TNRC6C: variants seen among roughly 807,000 people sequenced by gnomAD.
TNRC6C encodes trinucleotide repeat-containing gene 6C protein.
A neutral mutation model predicts 153.7 loss-of-function variants in TNRC6C; 20 were observed. The observed-to-expected ratio is 0.13, with a 90% CI of 0.09 to 0.19. The LOEUF is 0.19. TNRC6C is among the 10% of genes least tolerant of loss of function. The probability of loss-of-function intolerance (pLI) is 1.00; values close to 1 mark genes in which losing one functional copy is unlikely to be tolerated. For missense variants in TNRC6C, 1,987 were observed against 2,172.0 expected (o/e 0.91, Z 1.69); for synonymous variants, 811 against 841.4 (o/e 0.96, Z 0.63).
At chr17:78,050,738 G>A in exon 3 of TNRC6C, 1 of 1,590,766 alleles carries the variant, frequency 6.3e-7, no homozygotes, top group East Asian at 2.2e-5. Context: ...CATGCTTGGA[G>A]TGGGGCCGCA....
At chr17:78,065,386 A>G (rs1398556731) in intron 4 of TNRC6C, among the ~76,000 whole-genome samples, 1 of 152,080 alleles carries the variant, frequency 6.6e-6, no homozygotes, top group African/African-American at 2.4e-5. Flanking sequence ...ATTATAAAAT[A>G]TTTGCCATGC....
intron 5 of TNRC6C, among the ~76,000 whole-genome samples, chr17:78,069,297 C>A (rs1016680844): frequency 1.3e-5 from 2 of 152,170 alleles, no homozygotes; most frequent in Non-Finnish European, 2.9e-5. Flanking sequence ...ACCAGTGGCT[C>A]CTAGACACGG....
At chr17:78,050,063 G>A in exon 3 of TNRC6C, 2 of 1,610,890 alleles carry the variant, frequency 1.2e-6, no homozygotes, top group South Asian at 2.2e-5. Flanking sequence ...CCCAGCCGAA[G>A]CACCTCTAAC....
At chr17:77,985,602 A>AAAAAAAAAAAAAAAAAC (rs2071153857) in intron 1 of TNRC6C, among the ~76,000 whole-genome samples, 3 of 133,366 alleles carry the variant, frequency 2.2e-5, no homozygotes, top group African/African-American at 9.3e-5. Context: ...ACTCCGTCTC[A>AAAAAAAAAAAAAAAAAC]AAAAAAAAAA....
At chr17:77,966,540 G>A (rs938985538) in intron 1 of TNRC6C, among the ~76,000 whole-genome samples, 1 of 152,178 alleles carries the variant, frequency 6.6e-6, no homozygotes, top group African/African-American at 2.4e-5. Flanking sequence ...CTGCCACAGA[G>A]GCTTTAAATT....
At chr17:78,101,252 C>G (rs2073588921) in intron 17 of TNRC6C, among the ~76,000 whole-genome samples, 1 of 152,198 alleles carries the variant, frequency 6.6e-6, no homozygotes, top group African/African-American at 2.4e-5. Flanking sequence ...TGCCGCCAGT[C>G]TCTTTGCTAA....
In TNRC6C at chr17:77,976,039, T is replaced by C. The variant is rs551616511; in HGVS notation, c.-38+16771T>C. ...TTTAATTTTTATTTTCTCTGAGCCT[T>C]TGTTTGCTCAGCTAGAAGAAATGAA... On this transcript the variant is annotated intron_variant, in intron 1 of 22. Transcript: ENST00000636222. Among the ~76,000 whole-genome samples the C allele has an allele frequency of 2.6e-5, 4 of 151,964 alleles. No individual in the cohort carries two copies. In the South Asian group the frequency reaches 8.3e-4, roughly 32 times the overall value.
intron 1 of TNRC6C, among the ~76,000 whole-genome samples, chr17:77,993,189 T>TGAG (rs1278942243): frequency 6.6e-6 from 1 of 152,192 alleles, no homozygotes; most frequent in Non-Finnish European, 1.5e-5. Context: ...CTCGAATTCC[T>TGAG]GACCTCAGGT....
intron 7 of TNRC6C, among the ~76,000 whole-genome samples, chr17:78,073,697 C>T (rs577076210): frequency 1.3e-5 from 2 of 152,252 alleles, no homozygotes; most frequent in East Asian, 1.9e-4. Flanking sequence ...TTCCTATGAG[C>T]CTCTGCTCAC....
intron 1 of TNRC6C, among the ~76,000 whole-genome samples, chr17:77,970,567 T>G (rs928026970): frequency 2.6e-5 from 4 of 152,212 alleles, no homozygotes; most frequent in African/African-American, 9.7e-5. Context: ...CATATGGGTA[T>G]AGACCAAGCT....
chr17:77,960,760 A>G (rs1425202050), intron 1 of TNRC6C, among the ~76,000 whole-genome samples: 2 of 152,130 alleles, frequency 1.3e-5, no homozygotes, highest in African/African-American at 4.8e-5. Context: ...TCACTGTAGC[A>G]CCCCTAGGAT....
At chr17:78,035,483 G>C (rs947820548) in intron 2 of TNRC6C, among the ~76,000 whole-genome samples, 1 of 152,222 alleles carries the variant, frequency 6.6e-6, no homozygotes, top group African/African-American at 2.4e-5. Flanking sequence ...AGACTGGTGA[G>C]ACTTTGAAAT....
chr17:77,974,498 A>G (rs542443307), intron 1 of TNRC6C, among the ~76,000 whole-genome samples: 2,099 of 152,168 alleles, frequency 0.014, 25 homozygotes, highest in Non-Finnish European at 0.02. Context: ...CCCCAAAAAA[A>G]AAGTAAGAGG....
At chr17:78,001,590 A>T (rs1190589633), upstream of TNRC6C, among the ~76,000 whole-genome samples, 4 of 152,218 alleles carry the variant, frequency 2.6e-5, no homozygotes, top group Admixed American at 1.3e-4. Flanking sequence ...GAGAAGGGAG[A>T]TCCTCCTTCC....
At chr17:78,089,828 A>G (rs1341633991) in intron 13 of TNRC6C, among the ~76,000 whole-genome samples, 2 of 152,192 alleles carry the variant, frequency 1.3e-5, no homozygotes, top group African/African-American at 4.8e-5. Flanking sequence ...GCCTTTCCAA[A>G]TAAAGGGGAA....
At chr17:78,014,481 G>T (rs1484865360) in intron 1 of TNRC6C, among the ~76,000 whole-genome samples, 3 of 151,918 alleles carry the variant, frequency 2.0e-5, no homozygotes, top group African/African-American at 7.3e-5. Flanking sequence ...AAAGAACTTA[G>T]ATGTGCTTGC....
At chr17:78,050,573 C>G in exon 3 of TNRC6C, 1 of 1,605,314 alleles carries the variant, frequency 6.2e-7, no homozygotes, top group Non-Finnish European at 8.5e-7. Context: ...ACAAATACCT[C>G]TTCAGTATCT....
chr17:78,083,250 T>C, intron 11 of TNRC6C, 84 bp downstream of exon 13: 1 of 1,573,448 alleles, frequency 6.4e-7, no homozygotes, highest in Non-Finnish European at 8.6e-7. Flanking sequence ...GTTGTGATAA[T>C]GTTTGTCTTC....
At chr17:77,991,748 C>T (rs142348427) in intron 1 of TNRC6C, among the ~76,000 whole-genome samples, 2,237 of 152,146 alleles carry the variant, frequency 0.015, 59 homozygotes, top group African/African-American at 0.051. Context: ...CTTCAATTTC[C>T]AAAAAATGAG....
Sources: gnomAD v4.1 joint callset for allele counts (sites outside exome capture counted in the v4.1 genomes callset) on GRCh38, gnomAD v4.1.1 for gene constraint, MANE v1.5 for transcripts, NCBI Gene and HGNC (gene_info 2026-07-23, HGNC 2026-07-21) for gene names.